POU2AF2: variants seen among roughly 807,000 people sequenced by gnomAD.
The protein encoded by POU2AF2 is POU class 2 homeobox associating factor 2.
chr11:111,272,752 G>C, the POU2AF2 span, among the ~76,000 whole-genome samples: 1 of 152,288 alleles, frequency 6.6e-6, no homozygotes, highest in East Asian at 1.9e-4. Flanking sequence ...CACAATCCTG[G>C]TGCAGAGTAG....
the POU2AF2 span, among the ~76,000 whole-genome samples, chr11:111,246,670 T>C: frequency 2.6e-5 from 4 of 152,332 alleles, no homozygotes; most frequent in African/African-American, 7.2e-5. Flanking sequence ...AATTGGTTAT[T>C]AGCTGTGACA....
At chr11:111,283,082 C>T in the POU2AF2 span, among the ~76,000 whole-genome samples, 3 of 110,726 alleles carry the variant, frequency 2.7e-5, no homozygotes, top group South Asian at 3.2e-4. Flanking sequence ...TTTTTTGAGA[C>T]GGACTCTTGC....
At chr11:111,278,162 T>A in the POU2AF2 span, among the ~76,000 whole-genome samples, 1 of 152,300 alleles carries the variant, frequency 6.6e-6, no homozygotes, top group Non-Finnish European at 1.5e-5. Context: ...CTAAGGCACA[T>A]ATGCTGTTTA....
chr11:111,286,023 G>A, the POU2AF2 span: 1 of 1,613,678 alleles, frequency 6.2e-7, no homozygotes, highest in Non-Finnish European at 8.5e-7. Flanking sequence ...AGTATTGCCT[G>A]GGGGTCATAT....
At chr11:111,255,620 C>G in the POU2AF2 span, among the ~76,000 whole-genome samples, 2 of 152,230 alleles carry the variant, frequency 1.3e-5, no homozygotes, top group African/African-American at 4.8e-5. Context: ...ACTTCTACCT[C>G]ATGTATTTAG....
the POU2AF2 span, among the ~76,000 whole-genome samples, chr11:111,268,838 G>A: frequency 1.1e-3 from 161 of 151,842 alleles, no homozygotes; most frequent in African/African-American, 3.5e-3. Flanking sequence ...ATGAGCCACC[G>A]CACCCAGCCT....
At chr11:111,266,084 C>A in the POU2AF2 span, among the ~76,000 whole-genome samples, 1 of 151,770 alleles carries the variant, frequency 6.6e-6, no homozygotes, top group East Asian at 1.9e-4. Flanking sequence ...TTATCCATCA[C>A]GAACTGCCAA....
At chr11:111,260,757 G>A in the POU2AF2 span, among the ~76,000 whole-genome samples, 2 of 152,226 alleles carry the variant, frequency 1.3e-5, no homozygotes, top group African/African-American at 4.8e-5. Context: ...AATGTTGCTA[G>A]TTTTAACCCA....
the POU2AF2 span, among the ~76,000 whole-genome samples, chr11:111,283,876 G>A: frequency 3.3e-5 from 5 of 152,140 alleles, no homozygotes; most frequent in Non-Finnish European, 7.3e-5. Flanking sequence ...CCCTAAAGGC[G>A]ACAATGTTTT....
chr11:111,268,905 T>G, the POU2AF2 span, among the ~76,000 whole-genome samples: 67 of 152,272 alleles, frequency 4.4e-4, no homozygotes, highest in African/African-American at 1.5e-3. Context: ...ATCTTTATTT[T>G]TCTTAAATTT....
chr11:111,249,743 T>G, the POU2AF2 span, among the ~76,000 whole-genome samples: 1 of 152,194 alleles, frequency 6.6e-6, no homozygotes, highest in Non-Finnish European at 1.5e-5. Context: ...TGATTGTTCC[T>G]TTTTCTCTCT....
At chr11:111,271,614 G>A in the POU2AF2 span, among the ~76,000 whole-genome samples, 1 of 151,922 alleles carries the variant, frequency 6.6e-6, no homozygotes, top group African/African-American at 2.4e-5. Context: ...GTGGAGATGG[G>A]GGTCTCACTG....
chr11:111,271,271 C>G, the POU2AF2 span, among the ~76,000 whole-genome samples: 1 of 151,742 alleles, frequency 6.6e-6, no homozygotes, highest in Non-Finnish European at 1.5e-5. Context: ...TGCAGTGAGC[C>G]GGGATCATGC....
At chr11:111,276,439 G>GAAAAAAAAAAAAAAAA in the POU2AF2 span, among the ~76,000 whole-genome samples, 34 of 44,388 alleles carry the variant, frequency 7.7e-4, 3 homozygotes, top group African/African-American at 3.2e-3. Flanking sequence ...CTACTAAAAA[G>GAAAAAAAAAAAAAAAA]AAAAAAAAAA....
chr11:111,257,164 A>G, the POU2AF2 span, among the ~76,000 whole-genome samples: 1 of 152,202 alleles, frequency 6.6e-6, no homozygotes, highest in Non-Finnish European at 1.5e-5. Context: ...AGATGAACAG[A>G]AATAAATGAG....
chr11:111,271,658 A>G, the POU2AF2 span, among the ~76,000 whole-genome samples: 1 of 152,122 alleles, frequency 6.6e-6, no homozygotes, highest in East Asian at 1.9e-4. Flanking sequence ...TGTTGAGCTC[A>G]AGGGATCCCC....
At chr11:111,281,647 T>C in the POU2AF2 span, among the ~76,000 whole-genome samples, 1 of 152,346 alleles carries the variant, frequency 6.6e-6, no homozygotes, top group South Asian at 2.1e-4. Context: ...GCAGCCCTTT[T>C]ATCCCAAGCT....
chr11:111,285,591 C>T, the POU2AF2 span: 5 of 1,549,252 alleles, frequency 3.2e-6, no homozygotes, highest in Non-Finnish European at 4.3e-6. Flanking sequence ...TCTGGCAGCA[C>T]ACAATGTATC....
chr11:111,264,560 GAAAGAAAGAAAGAAA>G, the POU2AF2 span, among the ~76,000 whole-genome samples: 1 of 56,216 alleles, frequency 1.8e-5, no homozygotes, highest in African/African-American at 6.5e-5. Flanking sequence ...AAGAAAGAAA[GAAAGAAAGAAAGAAA>G]GGGAGAGAGA....
Sources: gnomAD v4.1 joint callset for allele counts (sites outside exome capture counted in the v4.1 genomes callset) on GRCh38, gnomAD v4.1.1 for gene constraint, MANE v1.5 for transcripts, NCBI Gene and HGNC (gene_info 2026-07-23, HGNC 2026-07-21) for gene names.